The following CPQ variants were observed in gnomAD, a reference collection of about 807,000 sequenced individuals.
CPQ encodes the protein Ser-Met dipeptidase.
In CPQ, 37 loss-of-function variants were observed where a neutral mutation model predicts 45.7. The observed-to-expected ratio is 0.81, with a 90% CI of 0.62 to 1.07. CPQ has a LOEUF of 1.07. Among genes scored for constraint, CPQ ranks in the 50% least tolerant of loss-of-function variants. The probability of loss-of-function intolerance (pLI) is 0.00; values close to 1 mark genes in which losing one functional copy is unlikely to be tolerated. For missense variants in CPQ, 537 were observed against 572.9 expected (o/e 0.94, Z 0.64); for synonymous variants, 186 against 205.8 (o/e 0.90, Z 0.82).
At chr8:96,858,635 T>C (rs764349755) in intron 3 of CPQ, among the ~76,000 whole-genome samples, 1 of 152,168 alleles carries the variant, frequency 6.6e-6, no homozygotes. Flanking sequence ...GCTGGCTCAC[T>C]AATTTCCCAC....
chr8:96,936,885 G>T (rs1306813636), intron 4 of CPQ, among the ~76,000 whole-genome samples: 1 of 152,068 alleles, frequency 6.6e-6, no homozygotes, highest in Non-Finnish European at 1.5e-5. Context: ...AGCTTTAAAA[G>T]TCATTAGAGG....
intron 2 of CPQ, among the ~76,000 whole-genome samples, chr8:96,813,880 A>C (rs1323603508): frequency 6.6e-6 from 1 of 152,128 alleles, no homozygotes; most frequent in Non-Finnish European, 1.5e-5. Context: ...TCTTTCAGTG[A>C]CGGACACTTA....
chr8:96,651,694 A>C (rs2651445), intron 1 of CPQ, among the ~76,000 whole-genome samples: 29,464 of 95,780 alleles, frequency 0.31, 3,143 homozygotes, highest in Non-Finnish European at 0.33. Context: ...TGGAACATTT[A>C]ATAGTATATT....
At chr8:96,880,770 C>T (rs1237762878) in intron 4 of CPQ, among the ~76,000 whole-genome samples, 2 of 151,292 alleles carry the variant, frequency 1.3e-5, no homozygotes, top group African/African-American at 4.9e-5. Flanking sequence ...AATGGGGGCT[C>T]CAAAATCGGG....
At chr8:96,764,430 C>T (rs966339079) in intron 1 of CPQ, among the ~76,000 whole-genome samples, 3 of 152,100 alleles carry the variant, frequency 2.0e-5, no homozygotes, top group African/African-American at 7.2e-5. Flanking sequence ...CCTTATAATA[C>T]GTTCATTATC....
chr8:96,790,333 T>C (rs975693373), intron 2 of CPQ, among the ~76,000 whole-genome samples: 2 of 152,080 alleles, frequency 1.3e-5, no homozygotes, highest in Admixed American at 6.6e-5. Flanking sequence ...TTCTCAGCCT[T>C]GTTGGCTTGC....
At chr8:96,780,119 T>C (rs1464484407) in intron 1 of CPQ, among the ~76,000 whole-genome samples, 2 of 152,178 alleles carry the variant, frequency 1.3e-5, no homozygotes, top group Non-Finnish European at 2.9e-5. Flanking sequence ...TATTTGAGTA[T>C]AACAATTGAA....
intron 1 of CPQ, among the ~76,000 whole-genome samples, chr8:96,780,795 C>T (rs962536362): frequency 1.3e-5 from 2 of 150,980 alleles, no homozygotes; most frequent in Non-Finnish European, 2.9e-5. Context: ...GCTGGGATTA[C>T]AGGCATGAGC....
At chr8:96,832,988 T>A (rs1445708413) in intron 2 of CPQ, among the ~76,000 whole-genome samples, 1 of 151,880 alleles carries the variant, frequency 6.6e-6, no homozygotes, top group Non-Finnish European at 1.5e-5. Context: ...CTGTAATAGT[T>A]CAAAAGAGAG....
At chr8:96,696,284 A>C (rs1809380788) in intron 1 of CPQ, among the ~76,000 whole-genome samples, 1 of 149,484 alleles carries the variant, frequency 6.7e-6, no homozygotes, top group African/African-American at 2.5e-5. Context: ...CACTCTGGGG[A>C]CTGTTGTGGG....
At chr8:96,731,885 C>A (rs759124743) in intron 1 of CPQ, among the ~76,000 whole-genome samples, 6 of 151,908 alleles carry the variant, frequency 3.9e-5, no homozygotes, top group African/African-American at 9.7e-5. Flanking sequence ...ACAAAACTCC[C>A]AGATAATATA....
At chr8:96,968,702 G>C (rs1813612382) in intron 5 of CPQ, among the ~76,000 whole-genome samples, 1 of 152,036 alleles carries the variant, frequency 6.6e-6, no homozygotes, top group Non-Finnish European at 1.5e-5. Flanking sequence ...TGGTCCAGTG[G>C]GGATCTCTGA....
At chr8:96,977,229 C>T (rs150798017) in intron 5 of CPQ, among the ~76,000 whole-genome samples, 17 of 151,584 alleles carry the variant, frequency 1.1e-4, no homozygotes, top group African/African-American at 2.9e-4. Context: ...GGCCAACAAG[C>T]GTATGGAAGA....
intron 7 of CPQ, among the ~76,000 whole-genome samples, chr8:97,088,098 A>C (rs1251161903): frequency 6.6e-6 from 1 of 152,224 alleles, no homozygotes; most frequent in East Asian, 1.9e-4. Context: ...GTTGTCAAAA[A>C]AGAAAGTTAT....
At chr8:96,978,264 T>C (rs997653553) in intron 5 of CPQ, among the ~76,000 whole-genome samples, 5 of 152,198 alleles carry the variant, frequency 3.3e-5, no homozygotes, top group African/African-American at 1.2e-4. Context: ...CAACCTTATG[T>C]CTCATCAGTT....
At chr8:97,028,229 C>T (rs1220260527) in intron 5 of CPQ, among the ~76,000 whole-genome samples, 1 of 152,236 alleles carries the variant, frequency 6.6e-6, no homozygotes, top group African/African-American at 2.4e-5. Flanking sequence ...GTAGCTCCTC[C>T]TTTTCAGCTC....
intron 1 of CPQ, among the ~76,000 whole-genome samples, chr8:96,756,271 T>G (rs773505396): frequency 2.6e-4 from 40 of 152,052 alleles, no homozygotes; most frequent in Non-Finnish European, 4.4e-4. Flanking sequence ...ACTTTAAACA[T>G]TTTTTGGACT....
chr8:96,801,789 C>T (rs964144273), intron 2 of CPQ, among the ~76,000 whole-genome samples: 8 of 152,048 alleles, frequency 5.3e-5, no homozygotes, highest in Admixed American at 4.6e-4. Flanking sequence ...AACACCTCCT[C>T]TCTGCCTCCT....
At chr8:96,807,824 C>T (rs1811104785) in intron 2 of CPQ, among the ~76,000 whole-genome samples, 1 of 152,182 alleles carries the variant, frequency 6.6e-6, no homozygotes, top group South Asian at 2.1e-4. Flanking sequence ...ACAGATTGCA[C>T]TCAGACTCAA....
Sources: allele counts gnomAD v4.1 joint callset (sites outside exome capture counted in the v4.1 genomes callset), GRCh38; gene constraint gnomAD v4.1.1; transcripts MANE v1.5; gene names NCBI Gene and HGNC (gene_info 2026-07-23, HGNC 2026-07-21).